Variants in PNO1 observed in about 807,000 individuals in gnomAD.
PNO1 encodes the protein partner of NOB1 homolog.
Under a neutral mutation model 28.4 loss-of-function variants are expected in PNO1, and 16 were observed. That is an observed-to-expected ratio of 0.56 (90% CI 0.38 to 0.85). PNO1 has a LOEUF of 0.85. Ranked by LOEUF, PNO1 falls within the 40% of genes least tolerant of loss-of-function variation. The pLI, the probability that PNO1 is intolerant of heterozygous loss-of-function variation, is 0.00. For missense variants in PNO1, 304 were observed against 312.2 expected (o/e 0.97, Z 0.20); for synonymous variants, 115 against 110.8 (o/e 1.04, Z -0.24).
At position 68,159,278 on chromosome 2, in the gene PNO1, G is replaced by GTA. The variant is rs1208002176; in HGVS notation, c.357+757_357+758dup. 2.9e-3 allele frequency among the ~76,000 whole-genome samples: 412 copies of GTA among 143,086 alleles called. 2 individuals are homozygous for GTA. The highest frequency in any genetic ancestry group is 4.2e-3 in the Non-Finnish European group (276 of 66,376). 93.9% of individuals were successfully genotyped at this position (143,086 alleles called of 152,430 possible). On this transcript the variant is annotated intron_variant, in intron 2 of 6. Transcript: ENST00000263657. The stretch of plus-strand genomic sequence containing the variant: ...TATGTGTGTGTGTGTGTGTGTGTGT[G>GTA]TATATATATCTTTTTATTTTGCTCT...
chr2:68,164,255 T>TGAGGCAGGTGGATGGCGTGATCTCAG (rs1348334044), intron 5 of PNO1, among the ~76,000 whole-genome samples: 1 of 152,078 alleles, frequency 6.6e-6, no homozygotes, highest in African/African-American at 2.4e-5. Context: ...TTTGGAAGGC[T>TGAGGCAGGTGGATGGCGTGATCTCAG]GAGGCAGGTG....
rs1308582342 is a variant in PNO1 at position 68,162,661 on chromosome 2, T to C, written c.618T>C (p.Asp206=). 2 of 1,557,280 alleles carry C rather than the reference T, an allele frequency of 1.3e-6. No individual in the cohort carries two copies. The highest frequency in any genetic ancestry group is 2.7e-5 in the African/African-American group (2 of 73,800). The change falls in exon 5 of 7, where the codon GAT becomes GAC. Residue 206 remains aspartate, a splice_region_variant and synonymous_variant. Transcript: ENST00000263657. ...CACGGACAAGGATAGTTTTGGCTGA[T>C]GTGTAAGTATCTGATCTTGAGAAAA... ...NVTRTRIVLA[D]VKVHILGSFQ... is the part of the protein sequence containing the mutation.
Position 68,163,530 on chromosome 2 carries a change from C to CAAAT in PNO1, c.620+877_620+880dup, listed in dbSNP as rs891540268. Among the ~76,000 whole-genome samples, 77 of 147,530 alleles carry CAAAT rather than the reference C, an allele frequency of 5.2e-4. 1 individual carries two copies. The highest frequency in any genetic ancestry group is 1.7e-3 in the African/African-American group (65 of 38,886). Reference sequence around the variant, plus strand: ...TGGGCGACAGAGTGAGACTCTGTCTCAAATAAATAAATACATACATACATA... The same window carrying CAAAT: ...TGGGCGACAGAGTGAGACTCTGTCTCAAATAAATAAATAAATACATACATACATA... On this transcript the variant is annotated intron_variant, in intron 5 of 6. Coordinates refer to ENST00000263657, the MANE Select transcript of PNO1 (RefSeq NM_020143.4).
chr2:68,163,540 A>AATACATACATACATAC (rs543846420), intron 5 of PNO1, among the ~76,000 whole-genome samples: 1 of 136,072 alleles, frequency 7.3e-6, no homozygotes, highest in African/African-American at 2.7e-5. Flanking sequence ...CAAATAAATA[A>AATACATACATACATAC]ATACATACAT....
intron 5 of PNO1, 102 bp from the exon 6 acceptor site, chr2:68,173,245 G>A: frequency 1.3e-6 from 1 of 744,286 alleles, no homozygotes; most frequent in Non-Finnish European, 2.4e-6. Flanking sequence ...TCAGACTCCT[G>A]GCCACAAATG....
rs150153986 is a variant in PNO1, at chr2:68,158,407, C to G, written c.235C>G (p.Pro79Ala). ...TGGGAAAGAAGAAACAAGGAAAATT[C>G]CAGTCCCAGCTAACAGATACACACC... ...LSGKEETRKI[P>A]VPANRYTPLK... Residue 79 changes from proline (P) to alanine (A), a missense_variant, in exon 2 of 7, where the codon CCA becomes GCA. Coordinates refer to ENST00000263657, the MANE Select transcript of PNO1 (RefSeq NM_020143.4). 1.0e-4 allele frequency: 163 copies of G among 1,611,376 alleles called. 1 individual carries two copies. In the African/African-American group the frequency reaches 1.9e-3, roughly 19 times the overall value.
Position 68,157,940 on chromosome 2 carries a change from A to G in PNO1, c.6A>G (p.Glu2=). Residue 2 remains glutamate (E), a synonymous_variant, in exon 1 of 7, where the codon GAA becomes GAG. Coordinates refer to ENST00000263657, the MANE Select transcript of PNO1 (RefSeq NM_020143.4). M[E]SEMETQSARA... is the part of the protein sequence containing the mutation. ...GCGCTTTAAGATTTCCGGGGATGGAATCCGAAATGGAAACGCAGAGCGCCA... is the reference window on the plus strand; with the variant it reads ...GCGCTTTAAGATTTCCGGGGATGGAGTCCGAAATGGAAACGCAGAGCGCCA... 1 of 1,613,940 alleles carries G rather than the reference A, an allele frequency of 6.2e-7. No individual in the cohort carries two copies. Among genetic ancestry groups the G allele is most frequent in the Non-Finnish European group, 8.5e-7 (1 of 1,179,960 alleles).
At chr2:68,169,570 T>G (rs1420599168) in intron 5 of PNO1, among the ~76,000 whole-genome samples, 1 of 152,196 alleles carries the variant, frequency 6.6e-6, no homozygotes, top group Non-Finnish European at 1.5e-5. Flanking sequence ...CTACAGTTAA[T>G]TTTATGGAGT....
At position 68,173,357 on chromosome 2, in the gene PNO1, A is replaced by G. The variant is rs200959922; in HGVS notation, c.631A>G (p.Ile211Val). ...RIVLADVKVH[I>V]LGSFQNIKMA... ...TTTTATTTCTTTCAGGAAAGTTCAC[A>G]TCCTTGGCTCCTTCCAAAATATCAA... Residue 211 changes from isoleucine to valine, a missense_variant, in exon 6 of 7, where the codon ATC (isoleucine) becomes GTC (valine). Physicochemically the swap from Ile to Val is conservative, Grantham distance 29 (BLOSUM62 3). Coordinates refer to ENST00000263657, the MANE Select transcript of PNO1 (RefSeq NM_020143.4). 6.2e-7 allele frequency: 1 copy of G among 1,600,610 alleles called. No individual in the cohort carries two copies. Among genetic ancestry groups the G allele is most frequent in the African/African-American group, 1.3e-5 (1 of 74,542 alleles).
intron 2 of PNO1, among the ~76,000 whole-genome samples, chr2:68,159,107 G>C (rs1177141828): frequency 6.6e-6 from 1 of 152,070 alleles, no homozygotes; most frequent in African/African-American, 2.4e-5. Context: ...TCAGGTTTCT[G>C]TATATTCTCC....
chr2:68,161,308 A>T (rs1476080457), intron 2 of PNO1: 1 of 474,506 alleles, frequency 2.1e-6, no homozygotes, highest in Non-Finnish European at 4.4e-6. Flanking sequence ...CCCAGGGAAG[A>T]CTGCCTTGAG....
chr2:68,174,696 G>A, intron 6 of PNO1, 39 bp from the exon 7 acceptor site: 2 of 1,403,962 alleles, frequency 1.4e-6, no homozygotes, highest in Non-Finnish European at 1.0e-6. Flanking sequence ...CTATAAATGT[G>A]AGTTTATTTG....
chr2:68,162,386 G>A lies in PNO1; in HGVS notation c.502+61G>A, dbSNP rs1271945400. The A allele has an allele frequency of 8.4e-6, 11 of 1,302,780 alleles. No individual in the cohort carries two copies. In the Admixed American group the frequency reaches 1.1e-4, roughly 13 times the overall value. The allele number at this position is 1,302,780 out of a possible 1,614,324, so 80.7% of individuals were successfully genotyped here. A position where few individuals can be genotyped will look rare whatever the true frequency, so the allele number is the denominator to read the frequency against. On this transcript the variant is annotated intron_variant, in intron 4 of 6. Transcript: ENST00000263657. ...ACTTTGTATTGTGATGTGACTCTCA[G>A]TTTTCTAATAGCATCAATTGAGCTG...
intron 4 of PNO1, 24 bp downstream of exon 4, chr2:68,162,349 C>G: frequency 6.3e-7 from 1 of 1,582,560 alleles, no homozygotes; most frequent in Non-Finnish European, 8.7e-7. Context: ...GGTCTGCGCT[C>G]TTGTGTCGCT....
chr2:68,162,849 T>G (rs1558618858), intron 5 of PNO1, among the ~76,000 whole-genome samples, 186 bp downstream of exon 5: 1 of 152,228 alleles, frequency 6.6e-6, no homozygotes, highest in Non-Finnish European at 1.5e-5. Context: ...TATGCCTGAC[T>G]TATGGAACAT....
chr2:68,158,291 A>G (rs1183328204), intron 1 of PNO1, 89 bp from the exon 2 acceptor site: 1 of 1,412,736 alleles, frequency 7.1e-7, no homozygotes, highest in East Asian at 2.3e-5. Context: ...TAGTTCAGTT[A>G]AAGGAGGCCC....
chr2:68,165,221 G>C (rs537926176), intron 5 of PNO1, among the ~76,000 whole-genome samples: 1 of 151,482 alleles, frequency 6.6e-6, no homozygotes, highest in East Asian at 1.9e-4. Flanking sequence ...AAAATTAGCC[G>C]GGCGTAGTGG....
At chr2:68,161,105 G>T in intron 2 of PNO1, 1 of 433,802 alleles carries the variant, frequency 2.3e-6, no homozygotes, top group South Asian at 1.7e-5. Context: ...TTTATAGTAC[G>T]TGTTATTTAC....
chr2:68,173,936 T>C (rs944153753), intron 6 of PNO1, among the ~76,000 whole-genome samples: 3 of 152,180 alleles, frequency 2.0e-5, no homozygotes, highest in Non-Finnish European at 4.4e-5. Context: ...AGAGAAGGTG[T>C]TTATTGGGTA....
Sources: allele counts gnomAD v4.1 joint callset (sites outside exome capture counted in the v4.1 genomes callset), GRCh38; gene constraint gnomAD v4.1.1; transcripts MANE v1.5; gene names NCBI Gene and HGNC (gene_info 2026-07-23, HGNC 2026-07-21).